TERB1: variants seen among roughly 807,000 people sequenced by gnomAD.
TERB1 encodes the protein telomere repeats-binding bouquet formation protein 1.
A neutral mutation model predicts 92.3 loss-of-function variants in TERB1; 63 were observed. That is an observed-to-expected ratio of 0.68 (90% CI 0.56 to 0.84). The LOEUF (loss-of-function observed/expected upper bound fraction) is 0.84, where lower values mean the gene tolerates loss of function less well. Ranked by LOEUF, TERB1 falls within the 40% of genes least tolerant of loss-of-function variation. The pLI is 0.00. For missense variants in TERB1, 709 were observed against 843.7 expected (o/e 0.84, Z 1.98); for synonymous variants, 252 against 283.9 (o/e 0.89, Z 1.13).
At chr16:66,779,737 G>A (rs1376182261) in intron 9 of TERB1, among the ~76,000 whole-genome samples, 3 of 152,122 alleles carry the variant, frequency 2.0e-5, no homozygotes, top group Non-Finnish European at 1.5e-5. Flanking sequence ...CCTATTTTCT[G>A]CAATCCAACA....
chr16:66,780,008 C>T (rs574136669), intron 9 of TERB1, among the ~76,000 whole-genome samples: 2 of 152,168 alleles, frequency 1.3e-5, no homozygotes, highest in Admixed American at 6.5e-5. Flanking sequence ...TGACTACAGG[C>T]GTGCACCACC....
At chr16:66,782,287 T>C (rs1336272613) in intron 9 of TERB1, among the ~76,000 whole-genome samples, 1 of 152,182 alleles carries the variant, frequency 6.6e-6, no homozygotes, top group Non-Finnish European at 1.5e-5. Context: ...CGGTGGCTCA[T>C]GCCTGTAATC....
intron 3 of TERB1, among the ~76,000 whole-genome samples, chr16:66,794,976 A>T (rs930053632): frequency 6.6e-6 from 1 of 152,072 alleles, no homozygotes; most frequent in Non-Finnish European, 1.5e-5. Flanking sequence ...AATTGGACTT[A>T]ACATTTTAAA....
At chr16:66,777,553 T>C (rs1174308668) in intron 10 of TERB1, among the ~76,000 whole-genome samples, 1 of 152,186 alleles carries the variant, frequency 6.6e-6, no homozygotes, top group African/African-American at 2.4e-5. Context: ...ATAACCCTCA[T>C]TACTCTTTCT....
chr16:66,775,030 A>G, intron 12 of TERB1, 88 bp downstream of exon 12: 1 of 1,331,020 alleles, frequency 7.5e-7, no homozygotes, highest in Non-Finnish European at 1.0e-6. Context: ...AGAATCTGAG[A>G]GCTATAGGGC....
intron 18 of TERB1, among the ~76,000 whole-genome samples, chr16:66,757,145 A>G (rs117903118): frequency 6.6e-6 from 1 of 152,280 alleles, no homozygotes; most frequent in Non-Finnish European, 1.5e-5. Flanking sequence ...TGTGAAAGAG[A>G]TGTAAGAATC....
chr16:66,793,194 CTT>C (rs1266169161), intron 3 of TERB1, among the ~76,000 whole-genome samples: 3 of 130,188 alleles, frequency 2.3e-5, no homozygotes, highest in African/African-American at 8.4e-5. Flanking sequence ...TAGTCTCACT[CTT>C]TGTTTTGTGG....
Position 66,754,994 on chromosome 16 carries a change from G to C in TERB1, c.2166C>G (p.Pro722=), listed in dbSNP as rs192771159. ...AHKYHKLTKH[P]TCAAS is the part of the protein sequence containing the mutation. ...CTTTCAATCAAGAAGCTGCACACGTGGGGTGTTTGGTCAGCTTGTGGTATT... is the reference window on the plus strand; with the variant it reads ...CTTTCAATCAAGAAGCTGCACACGTCGGGTGTTTGGTCAGCTTGTGGTATT... The change falls in exon 19 of 19, where the codon CCC becomes CCG. Residue 722 remains proline, a synonymous_variant. Transcript: ENST00000433154. 62 of 1,550,796 alleles carry C rather than the reference G, an allele frequency of 4.0e-5. No homozygotes were observed. The highest frequency in any genetic ancestry group is 4.5e-5 in the Non-Finnish European group (52 of 1,146,822).
At chr16:66,774,186 G>GTTT (rs34258271) in intron 12 of TERB1, among the ~76,000 whole-genome samples, 32 of 90,664 alleles carry the variant, frequency 3.5e-4, no homozygotes, top group African/African-American at 1.1e-3. Context: ...CAGCCCAAAC[G>GTTT]TTTTTTTTTT....
Position 66,786,246 on chromosome 16 carries a change from G to T in TERB1, c.440C>A (p.Thr147Lys), listed in dbSNP as rs1393019950. The part of the protein sequence containing the change: ...QTLVRETGCI[T>K]VLSRLFRTVI... Reference sequence around the variant, plus strand: ...TTACCTGAATAACCGTGACAGAACTGTAATACAACCTGTTTCTCTCACAAG... The same window carrying T: ...TTACCTGAATAACCGTGACAGAACTTTAATACAACCTGTTTCTCTCACAAG... The change falls in exon 7 of 19, where the codon ACA (threonine) becomes AAA (lysine). Residue 147 changes from threonine (T) to lysine (K), a missense_variant. Thr to Lys is a moderately conservative substitution (Grantham distance 78, BLOSUM62 -1). Coordinates refer to ENST00000433154, the MANE Select transcript of TERB1 (RefSeq NM_001136505.2). The T allele has an allele frequency of 1.9e-6, 3 of 1,549,422 alleles. No individual in the cohort carries two copies. The African/African-American group carries it at 4.1e-5, about 21-fold the overall frequency.
chr16:66,791,416 G>A (rs1183364415), intron 3 of TERB1, among the ~76,000 whole-genome samples: 1 of 151,916 alleles, frequency 6.6e-6, no homozygotes. Context: ...CAATGACATC[G>A]GCTCCCACCT....
At chr16:66,789,446 T>C (rs1190284785) in intron 5 of TERB1, among the ~76,000 whole-genome samples, 2 of 75,304 alleles carry the variant, frequency 2.7e-5, no homozygotes, top group Non-Finnish European at 4.7e-5. Context: ...TAGCCGGGCG[T>C]GGTAGCGGGC....
intron 14 of TERB1, among the ~76,000 whole-genome samples, chr16:66,769,446 T>A (rs760172724): frequency 6.6e-6 from 1 of 152,104 alleles, no homozygotes; most frequent in Non-Finnish European, 1.5e-5. Context: ...AAAGCTACAA[T>A]CCCAGGTCTA....
At chr16:66,786,950 A>G (rs941333146) in intron 6 of TERB1, among the ~76,000 whole-genome samples, 1 of 151,814 alleles carries the variant, frequency 6.6e-6, no homozygotes, top group Non-Finnish European at 1.5e-5. Context: ...TGATGCCCAC[A>G]TTTCCCCTCT....
intron 3 of TERB1, among the ~76,000 whole-genome samples, chr16:66,792,919 T>C (rs2018859887): frequency 1.3e-5 from 2 of 152,074 alleles, no homozygotes; most frequent in Admixed American, 1.3e-4. Context: ...GAGTGAGTGG[T>C]GAATGAATGT....
At chr16:66,778,629 G>A (rs1054042745) in intron 10 of TERB1, among the ~76,000 whole-genome samples, 1 of 152,076 alleles carries the variant, frequency 6.6e-6, no homozygotes, top group South Asian at 2.1e-4. Flanking sequence ...TGTTGGCCAG[G>A]CTGGTCTTGA....
chr16:66,762,048 T>A lies in TERB1; in HGVS notation c.1781-2758A>T, dbSNP rs527383392. ...AGCCTGGCGACAGAGTGAGACTCTA[T>A]CTCAAAAAAAAGAAAAAGGAATATC... On this transcript the variant is annotated intron_variant, in intron 16 of 18. Transcript: ENST00000433154. Among the ~76,000 whole-genome samples, 4 of 152,270 alleles carry A rather than the reference T, an allele frequency of 2.6e-5. No homozygotes were observed. In the East Asian group the frequency reaches 7.7e-4, roughly 29 times the overall value.
At chr16:66,770,991 C>T (rs1349306224) in intron 13 of TERB1, among the ~76,000 whole-genome samples, 3 of 152,144 alleles carry the variant, frequency 2.0e-5, no homozygotes, top group African/African-American at 7.2e-5. Flanking sequence ...GCTGGGACCA[C>T]AGGCATACAA....
chr16:66,764,968 C>T (rs1225691305), intron 16 of TERB1, among the ~76,000 whole-genome samples: 1 of 152,132 alleles, frequency 6.6e-6, no homozygotes, highest in African/African-American at 2.4e-5. Context: ...TATTTGAAAA[C>T]CATCAATAAA....
Sources: gnomAD v4.1 joint callset for allele counts (sites outside exome capture counted in the v4.1 genomes callset) on GRCh38, gnomAD v4.1.1 for gene constraint, MANE v1.5 for transcripts, NCBI Gene and HGNC (gene_info 2026-07-23, HGNC 2026-07-21) for gene names.